ERVH48-1: variants seen among roughly 807,000 people sequenced by gnomAD.
ERVH48-1 encodes the protein suppressyn.
Under a neutral mutation model 2.4 loss-of-function variants are expected in ERVH48-1, and 4 were observed. That is an observed-to-expected ratio of 1.68 (90% CI 0.83 to 3.84). ERVH48-1 has a LOEUF of 3.84. Among genes scored for constraint, ERVH48-1 ranks in the 30% most tolerant of loss-of-function variants. ERVH48-1 has a pLI of 0.01. For synonymous variants in ERVH48-1, 32 were observed against 15.5 expected (o/e 2.06, Z -2.49); for missense variants, 97 against 43.4 (o/e 2.23, Z -3.47).
rs185900499 is a variant in ERVH48-1 at position 42,919,300 on chromosome 21, C to T, written c.-285-9G>A. 2.8e-5 allele frequency: 7 copies of T among 248,958 alleles called. No individual in the cohort carries two copies. The highest frequency in any genetic ancestry group is 1.6e-5 in the Non-Finnish European group (2 of 124,828). The allele number at this position is 248,958 out of a possible 1,614,324, so 15.4% of individuals were successfully genotyped here. On this transcript the variant is annotated splice_polypyrimidine_tract_variant and intron_variant, in intron 1 of 1. Coordinates refer to ENST00000447535, the MANE Select transcript of ERVH48-1 (RefSeq NM_001308491.2). ...GATAAACACGTCTGTGCCTGCAAGA[C>T]AGTTATGATGTTGAGAGGATAAGGA...
At chr21:42,921,274 A>G (rs897379008) in intron 1 of ERVH48-1, among the ~76,000 whole-genome samples, 13 of 152,212 alleles carry the variant, frequency 8.5e-5, no homozygotes, top group African/African-American at 2.9e-4. Flanking sequence ...AGGTTGGGTA[A>G]TAGGCTGTGC....
Position 42,919,293 on chromosome 21 carries a change from T to G in ERVH48-1, c.-285-2A>C. 4.0e-6 allele frequency: 1 copy of G among 250,484 alleles called. No individual in the cohort carries two copies. Among genetic ancestry groups the G allele is most frequent in the Non-Finnish European group, 8.0e-6 (1 of 125,458 alleles). 15.5% of individuals were successfully genotyped at this position (250,484 alleles called of 1,614,324 possible). A position where few individuals can be genotyped will look rare whatever the true frequency, so the allele number is the denominator to read the frequency against. Reference sequence around the variant, plus strand: ...TTTGGCCGATAAACACGTCTGTGCCTGCAAGACAGTTATGATGTTGAGAGG... The same window carrying G: ...TTTGGCCGATAAACACGTCTGTGCCGGCAAGACAGTTATGATGTTGAGAGG... On this transcript the variant is annotated splice_acceptor_variant, in intron 1 of 1. Transcript: ENST00000447535. LOFTEE classifies it low-confidence loss of function (5UTR_SPLICE).
chr21:42,923,160 C>T (rs1412614488), intron 1 of ERVH48-1, among the ~76,000 whole-genome samples: 1 of 152,172 alleles, frequency 6.6e-6, no homozygotes, highest in Non-Finnish European at 1.5e-5. Flanking sequence ...GGGGGCTTAC[C>T]TGGGTTTGGG....
At chr21:42,923,242 C>T (rs2058812116) in intron 1 of ERVH48-1, among the ~76,000 whole-genome samples, 1 of 152,254 alleles carries the variant, frequency 6.6e-6, no homozygotes, top group Non-Finnish European at 1.5e-5. Flanking sequence ...TGCTAGGAGG[C>T]TCCCGTGTGG....
rs1255090064 is a variant in ERVH48-1 at position 42,919,050 on chromosome 21, GA to G, written c.-45del. 4.9e-6 allele frequency: 6 copies of G among 1,217,576 alleles called. No homozygotes were observed. Among genetic ancestry groups the G allele is most frequent in the East Asian group, 1.2e-4 (2 of 17,108 alleles). The allele number at this position is 1,217,576 out of a possible 1,614,324, so 75.4% of individuals were successfully genotyped here. ...AGTCTTCCTTGTGTTTTGGTTTTAA[GA>G]AAAAAATGTTGGTTAATTTAAACTT... On this transcript the variant is annotated 5_prime_UTR_variant, in exon 2 of 2. Transcript: ENST00000447535.
chr21:42,920,783 T>C (rs2058803384), intron 1 of ERVH48-1, among the ~76,000 whole-genome samples: 1 of 152,066 alleles, frequency 6.6e-6, no homozygotes, highest in Admixed American at 6.6e-5. Flanking sequence ...GTAAGAAAAG[T>C]TTGAACAGTG....
chr21:42,922,705 A>G (rs918615733), intron 1 of ERVH48-1, among the ~76,000 whole-genome samples: 5 of 139,246 alleles, frequency 3.6e-5, no homozygotes, highest in Non-Finnish European at 6.1e-5. Flanking sequence ...GCGCCACTGC[A>G]CTCCAGCCTG....
At position 42,918,910 on chromosome 21, in the gene ERVH48-1, C is replaced by G. The variant is rs1009798094; in HGVS notation, c.97G>C (p.Ala33Pro). Residue 33 changes from alanine (A) to proline (P), a missense_variant, in exon 2 of 2, where the codon GCT becomes CCT. Coordinates refer to ENST00000447535, the MANE Select transcript of ERVH48-1 (RefSeq NM_001308491.2). ...SLTTILILSV[A>P]VLLSTAAPPS... ...GGGGCTGCTGTGGACAGCAGGACAG[C>G]TACTGACAGTATTAGGATCGTGGTG... 12 of 514,910 alleles carry G rather than the reference C, an allele frequency of 2.3e-5. No homozygotes were observed. Among genetic ancestry groups the G allele is most frequent in the Admixed American group, 1.9e-4 (8 of 42,616 alleles). 31.9% of individuals were successfully genotyped at this position (514,910 alleles called of 1,614,324 possible).
intron 1 of ERVH48-1, among the ~76,000 whole-genome samples, chr21:42,921,488 G>C (rs2058805547): frequency 6.6e-6 from 1 of 152,048 alleles, no homozygotes; most frequent in Non-Finnish European, 1.5e-5. Flanking sequence ...GTAAGAGCTA[G>C]GCCTAGATAG....
chr21:42,923,176 C>A (rs1471472795), intron 1 of ERVH48-1, among the ~76,000 whole-genome samples: 1 of 152,190 alleles, frequency 6.6e-6, no homozygotes, highest in South Asian at 2.1e-4. Flanking sequence ...TTGGGCATTG[C>A]CTGGACCGGT....
intron 1 of ERVH48-1, among the ~76,000 whole-genome samples, chr21:42,923,629 G>A (rs1457521673): frequency 6.6e-6 from 1 of 152,140 alleles, no homozygotes; most frequent in East Asian, 1.9e-4. Context: ...TTTGAGTCCT[G>A]CAAGGAGACA....
At chr21:42,923,381 T>A (rs2058812653) in intron 1 of ERVH48-1, among the ~76,000 whole-genome samples, 1 of 152,178 alleles carries the variant, frequency 6.6e-6, no homozygotes, top group African/African-American at 2.4e-5. Flanking sequence ...TGAGAAGGTC[T>A]CGTTGTGGGG....
At chr21:42,921,575 G>T (rs933618372) in intron 1 of ERVH48-1, among the ~76,000 whole-genome samples, 8 of 152,094 alleles carry the variant, frequency 5.3e-5, no homozygotes, top group Non-Finnish European at 1.2e-4. Context: ...TTAAAAGAGA[G>T]ATAGTATGGG....
chr21:42,920,896 A>G (rs943238130), intron 1 of ERVH48-1, among the ~76,000 whole-genome samples: 2 of 152,150 alleles, frequency 1.3e-5, no homozygotes, highest in African/African-American at 4.8e-5. Context: ...GGGGGTTTCT[A>G]TGAATAAAGC....
chr21:42,921,263 A>C (rs1449074930), intron 1 of ERVH48-1, among the ~76,000 whole-genome samples: 1 of 152,072 alleles, frequency 6.6e-6, no homozygotes. Context: ...AGTAGGCAGA[A>C]AGGTTGGGTA....
intron 1 of ERVH48-1, 34 bp from the exon 2 acceptor site, chr21:42,919,325 A>C: frequency 4.8e-6 from 1 of 206,860 alleles, no homozygotes; most frequent in South Asian, 8.6e-5. Context: ...GAGGATAAGG[A>C]GGTGTCGGCA....
Position 42,918,925 on chromosome 21 carries a change from G to A in ERVH48-1, c.82C>T (p.Leu28=), listed in dbSNP as rs968013222. 5.3e-6 allele frequency: 3 copies of A among 567,366 alleles called. No homozygotes were observed. In the African/African-American group the frequency reaches 5.8e-5, roughly 11 times the overall value. The allele number at this position is 567,366 out of a possible 1,614,324, so 35.1% of individuals were successfully genotyped here. The part of the protein sequence containing the change: ...LNMGISLTTI[L]ILSVAVLLST... ...AGCAGGACAGCTACTGACAGTATTAGGATCGTGGTGAGGGATATTCCCATA... is the reference window on the plus strand; with the variant it reads ...AGCAGGACAGCTACTGACAGTATTAAGATCGTGGTGAGGGATATTCCCATA... The change falls in exon 2 of 2, where the codon CTA becomes TTA. Residue 28 remains leucine, a synonymous_variant. Coordinates refer to ENST00000447535, the MANE Select transcript of ERVH48-1 (RefSeq NM_001308491.2).
rs2058790133 is a variant in ERVH48-1, at chr21:42,916,837, G to A, written c.*1687C>T. 1 of 183,442 alleles carries A rather than the reference G, an allele frequency of 5.5e-6. No homozygotes were observed. The highest frequency in any genetic ancestry group is 1.1e-5 in the Non-Finnish European group (1 of 90,966). The allele number at this position is 183,442 out of a possible 1,614,324, so 11.4% of individuals were successfully genotyped here. ...ATGCTGTTTTAATGAGCGCCTGCAT[G>A]CAGACAGGCTGAGGCCTAAAATGGC... On this transcript the variant is annotated 3_prime_UTR_variant, in exon 2 of 2. Transcript: ENST00000447535.
intron 1 of ERVH48-1, 37 bp from the exon 2 acceptor site, chr21:42,919,328 T>TGTC (rs2058798811): frequency 4.9e-6 from 1 of 203,832 alleles, no homozygotes; most frequent in Non-Finnish European, 1.0e-5. Context: ...GATAAGGAGG[T>TGTC]GTCGGCAGGG....
Sources: gnomAD v4.1 joint callset for allele counts (sites outside exome capture counted in the v4.1 genomes callset) on GRCh38, gnomAD v4.1.1 for gene constraint, MANE v1.5 for transcripts, NCBI Gene and HGNC (gene_info 2026-07-23, HGNC 2026-07-21) for gene names.